CREB5: variants seen among roughly 807,000 people sequenced by gnomAD.
CREB5 encodes the protein cAMP responsive element binding protein 5.
CREB5 carries 19 observed loss-of-function variants against 57.1 expected under a neutral mutation model. The observed-to-expected ratio is 0.33, with a 90% CI of 0.23 to 0.49. The LOEUF is 0.49. Among genes scored for constraint, CREB5 ranks in the 20% least tolerant of loss-of-function variants. CREB5 has a pLI of 0.99. For missense variants in CREB5, 579 were observed against 671.6 expected (o/e 0.86, Z 1.52); for synonymous variants, 238 against 238.3 (o/e 1.00, Z 0.01).
upstream of CREB5, chr7:28,410,425 C>T (rs1056760797): frequency 8.8e-6 from 4 of 456,622 alleles, no homozygotes; most frequent in African/African-American, 8.0e-5. Flanking sequence ...ATCACTTGAA[C>T]TTTTCACGAA....
intron 5 of CREB5, among the ~76,000 whole-genome samples, chr7:28,595,232 C>T (rs779904159): frequency 2.0e-5 from 3 of 152,106 alleles, no homozygotes; most frequent in Non-Finnish European, 4.4e-5. Context: ...TAGATAGTCT[C>T]ATAGCAGCAT....
At chr7:28,494,330 T>G (rs147854700) in intron 2 of CREB5, among the ~76,000 whole-genome samples, 1 of 152,342 alleles carries the variant, frequency 6.6e-6, no homozygotes, top group African/African-American at 2.4e-5. Context: ...CACTTATTTT[T>G]TGTAAAATGC....
At chr7:28,549,463 T>C (rs1794538529) in intron 4 of CREB5, among the ~76,000 whole-genome samples, 1 of 152,236 alleles carries the variant, frequency 6.6e-6, no homozygotes, top group Non-Finnish European at 1.5e-5. Flanking sequence ...TGATTTATAC[T>C]TAAGACTGAA....
At chr7:28,565,967 A>G (rs1795455639) in intron 4 of CREB5, among the ~76,000 whole-genome samples, 1 of 152,130 alleles carries the variant, frequency 6.6e-6, no homozygotes, top group African/African-American at 2.4e-5. Context: ...AACACAGACT[A>G]TGTCTAATCT....
intron 5 of CREB5, among the ~76,000 whole-genome samples, chr7:28,680,186 G>A (rs1800518128): frequency 6.6e-6 from 1 of 152,052 alleles, no homozygotes; most frequent in African/African-American, 2.4e-5. Context: ...CTTCAACCTG[G>A]ACTGGTCCAG....
At chr7:28,815,068 C>G (rs1323530866) in intron 9 of CREB5, among the ~76,000 whole-genome samples, 10 of 152,156 alleles carry the variant, frequency 6.6e-5, no homozygotes, top group African/African-American at 2.4e-4. Flanking sequence ...GCCAGGAGTT[C>G]AAGAGCAGCC....
At chr7:28,448,528 C>G (rs1038662892) in intron 1 of CREB5, among the ~76,000 whole-genome samples, 1 of 152,180 alleles carries the variant, frequency 6.6e-6, no homozygotes, top group African/African-American at 2.4e-5. Context: ...GTGTTAGTGA[C>G]ATGGAGCTGG....
chr7:28,599,792 C>T (rs1280094945), intron 5 of CREB5, among the ~76,000 whole-genome samples: 2 of 151,700 alleles, frequency 1.3e-5, no homozygotes, highest in Non-Finnish European at 2.9e-5. Flanking sequence ...ATCCTCTCAT[C>T]ATCACGTTGT....
At chr7:28,714,586 C>G (rs771112516) in intron 5 of CREB5, among the ~76,000 whole-genome samples, 5 of 152,214 alleles carry the variant, frequency 3.3e-5, no homozygotes, top group Non-Finnish European at 7.3e-5. Flanking sequence ...GGAAAACATC[C>G]TTCGGGGGGA....
At chr7:28,469,742 C>T (rs1045090367) in intron 1 of CREB5, among the ~76,000 whole-genome samples, 6 of 152,156 alleles carry the variant, frequency 3.9e-5, no homozygotes, top group African/African-American at 1.2e-4. Flanking sequence ...GATGTTAACT[C>T]TTTTAATCCT....
chr7:28,571,661 G>A (rs1284473973), intron 5 of CREB5, among the ~76,000 whole-genome samples: 1 of 152,150 alleles, frequency 6.6e-6, no homozygotes, highest in South Asian at 2.1e-4. Flanking sequence ...CTGAGGATCC[G>A]CAGCGTGGGC....
chr7:28,444,436 T>C (rs73297160), intron 1 of CREB5, among the ~76,000 whole-genome samples: 2,647 of 152,186 alleles, frequency 0.017, 91 homozygotes, highest in African/African-American at 0.06. Context: ...ATAATAAAGA[T>C]GGACATGGAG....
chr7:28,442,937 C>T (rs1789262648), intron 1 of CREB5, among the ~76,000 whole-genome samples: 3 of 152,170 alleles, frequency 2.0e-5, no homozygotes, highest in African/African-American at 4.8e-5. Context: ...TCATTCCTTA[C>T]GTAGGACAGT....
At chr7:28,818,679 G>A in intron 10 of CREB5, 1 of 447,986 alleles carries the variant, frequency 2.2e-6, no homozygotes, top group Non-Finnish European at 4.4e-6. Flanking sequence ...ATGCCAGTTG[G>A]TTAAATGATA....
intron 7 of CREB5, among the ~76,000 whole-genome samples, chr7:28,782,281 G>A (rs1341516881): frequency 2.0e-5 from 3 of 152,140 alleles, no homozygotes; most frequent in Admixed American, 6.5e-5. Flanking sequence ...AAAGCAGTGT[G>A]AGGGTAATTA....
At chr7:28,453,671 A>G (rs1464868390) in intron 1 of CREB5, among the ~76,000 whole-genome samples, 14 of 152,216 alleles carry the variant, frequency 9.2e-5, no homozygotes, top group Non-Finnish European at 1.9e-4. Context: ...AATCATGGTA[A>G]GAAACAAAAT....
At chr7:28,718,488 T>C (rs970907186) in intron 5 of CREB5, among the ~76,000 whole-genome samples, 2 of 152,234 alleles carry the variant, frequency 1.3e-5, no homozygotes, top group Non-Finnish European at 2.9e-5. Context: ...AGGAGACTTA[T>C]TGGCTTGTTT....
intron 7 of CREB5, among the ~76,000 whole-genome samples, chr7:28,780,579 A>G (rs1806915445): frequency 6.6e-6 from 1 of 152,132 alleles, no homozygotes; most frequent in Non-Finnish European, 1.5e-5. Flanking sequence ...AAAATTAGCC[A>G]GGTGTGGTGG....
intron 7 of CREB5, among the ~76,000 whole-genome samples, chr7:28,775,400 A>C (rs1226845355): frequency 6.6e-6 from 1 of 152,012 alleles, no homozygotes; most frequent in African/African-American, 2.4e-5. Flanking sequence ...AGAACTGTAT[A>C]AGAAATGATA....
Sources: allele counts gnomAD v4.1 joint callset (sites outside exome capture counted in the v4.1 genomes callset), GRCh38; gene constraint gnomAD v4.1.1; transcripts MANE v1.5; gene names NCBI Gene and HGNC (gene_info 2026-07-23, HGNC 2026-07-21).